Variants in TBX4 observed in about 807,000 individuals in gnomAD.
TBX4 encodes the protein T-box transcription factor 4.
A neutral mutation model predicts 54.6 loss-of-function variants in TBX4; 13 were observed. The observed-to-expected ratio is 0.24, with a 90% CI of 0.15 to 0.38. The LOEUF (loss-of-function observed/expected upper bound fraction) is 0.38, where lower values mean the gene tolerates loss of function less well. TBX4 is among the 10% of genes least tolerant of loss of function. The probability of loss-of-function intolerance (pLI) is 1.00; values close to 1 mark genes in which losing one functional copy is unlikely to be tolerated. For missense variants in TBX4, 631 were observed against 728.5 expected (o/e 0.87, Z 1.54); for synonymous variants, 314 against 306.7 (o/e 1.02, Z -0.25).
In TBX4 at chr17:61,472,490, T is replaced by C. The variant is rs1603253116; in HGVS notation, c.549+4833T>C. Among the ~76,000 whole-genome samples, 1 of 152,354 alleles carries C rather than the reference T, an allele frequency of 6.6e-6. No homozygotes were observed. The highest frequency in any genetic ancestry group is 2.1e-4 in the South Asian group (1 of 4,830). On this transcript the variant is annotated intron_variant, in intron 5 of 8. Coordinates refer to ENST00000644296, the MANE Select transcript of TBX4 (RefSeq NM_001321120.2). The surrounding 1 kb of genome is among the most constrained non-coding windows in gnomAD (Gnocchi z 4.5). Reference sequence around the variant, plus strand: ...TCATTTTTCTTGTAGGTTTTTGATATCAATTTCTAGGAACTCTTATAAATT... The same window carrying C: ...TCATTTTTCTTGTAGGTTTTTGATACCAATTTCTAGGAACTCTTATAAATT...
Position 61,480,807 on chromosome 17 carries a change from T to G in TBX4, c.1021+488T>G, listed in dbSNP as rs1357300326. Among the ~76,000 whole-genome samples the G allele has an allele frequency of 6.6e-6, 1 of 151,846 alleles. No homozygotes were observed. Among genetic ancestry groups the G allele is most frequent in the Non-Finnish European group, 1.5e-5 (1 of 67,954 alleles). On this transcript the variant is annotated intron_variant, in intron 8 of 8. Coordinates refer to ENST00000644296, the MANE Select transcript of TBX4 (RefSeq NM_001321120.2). This position sits in a 1 kb window ranked among gnomAD's most constrained non-coding sequence, Gnocchi z 6.2. ...AGGATCTGCAGAGGCTGCTTGAGAG[T>G]TGAGATGAGCTATTGTGGATGTAGG...
chr17:61,468,468 G>T (rs965103938), intron 5 of TBX4, among the ~76,000 whole-genome samples: 8 of 152,340 alleles, frequency 5.3e-5, no homozygotes, highest in African/African-American at 1.7e-4. Context: ...CAGGGCAGGG[G>T]CAGTGGAGGC....
rs960685891 is a variant in TBX4, at chr17:61,480,479, C to T, written c.1021+160C>T. Among the ~76,000 whole-genome samples the T allele has an allele frequency of 1.3e-4, 19 of 151,982 alleles. No individual in the cohort carries two copies. The highest frequency in any genetic ancestry group is 3.1e-4 in the African/African-American group (13 of 41,336). On this transcript the variant is annotated intron_variant, in intron 8 of 8. Transcript: ENST00000644296. This position sits in a 1 kb window ranked among gnomAD's most constrained non-coding sequence, Gnocchi z 6.2. ...TGAAGGGTTAGGGATCACAGCTGGG[C>T]GCAGGGCCATCTTTTCCAGTGCAGG...
Position 61,475,660 on chromosome 17 carries a change from G to C in TBX4, c.550-2967G>C, listed in dbSNP as rs1378109466. Among the ~76,000 whole-genome samples, 4 of 152,122 alleles carry C rather than the reference G, an allele frequency of 2.6e-5. No homozygotes were observed. The highest frequency in any genetic ancestry group is 9.7e-5 in the African/African-American group (4 of 41,430). On this transcript the variant is annotated intron_variant, in intron 5 of 8. Transcript: ENST00000644296. This position sits in a 1 kb window ranked among gnomAD's most constrained non-coding sequence, Gnocchi z 5.0. ...AGGGGAGTTGATGATGATACCCAGG[G>C]CTTTGACGAGCCCACGACTGCTTGT...
In TBX4 at chr17:61,465,379, A is replaced by G. The variant is rs962883745; in HGVS notation, c.282-440A>G. Among the ~76,000 whole-genome samples the G allele has an allele frequency of 2.6e-5, 4 of 152,220 alleles. No individual in the cohort carries two copies. Among genetic ancestry groups the G allele is most frequent in the South Asian group, 2.1e-4 (1 of 4,828 alleles). ...AGCTGACGGGGGTTTCCGTCCCCCT[A>G]TAACTGCACCCCAGAACTTCACTTG... On this transcript the variant is annotated intron_variant, in intron 3 of 8. Coordinates refer to ENST00000644296, the MANE Select transcript of TBX4 (RefSeq NM_001321120.2). The surrounding 1 kb of genome is among the most constrained non-coding windows in gnomAD (Gnocchi z 4.9).
In TBX4 at chr17:61,472,362, T is replaced by C. The variant is rs1471411744; in HGVS notation, c.549+4705T>C. ...GTCAGTTTGACAGGTGAAATGTGGA[T>C]ATCAGTGTTAGCTTTAATTTGCATT... On this transcript the variant is annotated intron_variant, in intron 5 of 8. Coordinates refer to ENST00000644296, the MANE Select transcript of TBX4 (RefSeq NM_001321120.2). The surrounding 1 kb of genome is among the most constrained non-coding windows in gnomAD (Gnocchi z 4.5). Among the ~76,000 whole-genome samples the C allele has an allele frequency of 1.3e-5, 2 of 152,248 alleles. No individual in the cohort carries two copies. Among genetic ancestry groups the C allele is most frequent in the African/African-American group, 4.8e-5 (2 of 41,462 alleles).
intron 5 of TBX4, among the ~76,000 whole-genome samples, chr17:61,477,653 A>T (rs961354402): frequency 3.9e-5 from 6 of 152,214 alleles, no homozygotes; most frequent in Non-Finnish European, 8.8e-5. Context: ...AGAAATGCAT[A>T]AACAAGGCTA....
At position 61,472,513 on chromosome 17, in the gene TBX4, A is replaced by G. The variant is rs747560541; in HGVS notation, c.549+4856A>G. ...TATCAATTTCTAGGAACTCTTATAA[A>G]TTAGGAGGATGTAGCTCTTATCTGT... is the stretch of plus-strand genomic sequence containing the variant. On this transcript the variant is annotated intron_variant, in intron 5 of 8. Transcript: ENST00000644296. This position sits in a 1 kb window ranked among gnomAD's most constrained non-coding sequence, Gnocchi z 4.5. 6.6e-6 allele frequency among the ~76,000 whole-genome samples: 1 copy of G among 152,178 alleles called. No homozygotes were observed. Among genetic ancestry groups the G allele is most frequent in the Non-Finnish European group, 1.5e-5 (1 of 68,040 alleles).
rs1252494849 is a variant in TBX4, at chr17:61,460,025, A to G, written c.281+2394A>G. Among the ~76,000 whole-genome samples the G allele has an allele frequency of 6.6e-6, 1 of 152,028 alleles. No homozygotes were observed. The highest frequency in any genetic ancestry group is 2.4e-5 in the African/African-American group (1 of 41,388). ...CTGGAACCCTTCTTGGTACACGTCC[A>G]TTTGTCAGCCTGGGCCCTGCTGCTA... On this transcript the variant is annotated intron_variant, in intron 3 of 8. Transcript: ENST00000644296. This position sits in a 1 kb window ranked among gnomAD's most constrained non-coding sequence, Gnocchi z 4.4.
chr17:61,458,284 G>C (rs1167959536), intron 3 of TBX4, among the ~76,000 whole-genome samples: 1 of 145,042 alleles, frequency 6.9e-6, no homozygotes, highest in Non-Finnish European at 1.5e-5. Flanking sequence ...ATGAGAGGAG[G>C]AAGACTCACG....
rs1299664550 is a variant in TBX4 at position 61,465,709 on chromosome 17, C to A, written c.282-110C>A. ...ACAGCTGTGACCAATGCCAGGATCG[C>A]TGGCCAAAAGGGCAGCATCTGTTAG... On this transcript the variant is annotated intron_variant, in intron 3 of 8. Coordinates refer to ENST00000644296, the MANE Select transcript of TBX4 (RefSeq NM_001321120.2). The surrounding 1 kb of genome is among the most constrained non-coding windows in gnomAD (Gnocchi z 4.9). 2.8e-6 allele frequency: 4 copies of A among 1,452,044 alleles called. No homozygotes were observed. Among genetic ancestry groups the A allele is most frequent in the Non-Finnish European group, 3.8e-6 (4 of 1,044,788 alleles). The allele number at this position is 1,452,044 out of a possible 1,614,324, so 89.9% of individuals were successfully genotyped here.
At position 61,481,973 on chromosome 17, in the gene TBX4, A is replaced by C. The variant is rs1401690135; in HGVS notation, c.1022-924A>C. On this transcript the variant is annotated intron_variant, in intron 8 of 8. Coordinates refer to ENST00000644296, the MANE Select transcript of TBX4 (RefSeq NM_001321120.2). This position sits in a 1 kb window ranked among gnomAD's most constrained non-coding sequence, Gnocchi z 4.8. ...GTAGAGATGGGGTTTCACCATGTTG[A>C]TCAAGCTGGTCTCGAACTCCTGACC... is the stretch of plus-strand genomic sequence containing the variant. 1 of 152,158 alleles carries C rather than the reference A, an allele frequency of 6.6e-6. No homozygotes were observed. Among genetic ancestry groups the C allele is most frequent in the African/African-American group, 2.4e-5 (1 of 41,378 alleles). The allele number at this position is 152,158 out of a possible 1,614,324, so 9.4% of individuals were successfully genotyped here. A position where few individuals can be genotyped will look rare whatever the true frequency, so the allele number is the denominator to read the frequency against.
Position 61,478,004 on chromosome 17 carries a change from A to G in TBX4, c.550-623A>G, listed in dbSNP as rs113054829. Among the ~76,000 whole-genome samples, 119 of 152,254 alleles carry G rather than the reference A, an allele frequency of 7.8e-4. 2 individuals are homozygous for G. Among genetic ancestry groups the G allele is most frequent in the African/African-American group, 2.7e-3 (111 of 41,538 alleles). On this transcript the variant is annotated intron_variant, in intron 5 of 8. Coordinates refer to ENST00000644296, the MANE Select transcript of TBX4 (RefSeq NM_001321120.2). The surrounding 1 kb of genome is among the most constrained non-coding windows in gnomAD (Gnocchi z 7.4). Reference sequence around the variant, plus strand: ...AGAAAGGAAAGAAAAGAAATGCATGAACAAATGAGCAATGTGACAAAAAAA... The same window carrying G: ...AGAAAGGAAAGAAAAGAAATGCATGGACAAATGAGCAATGTGACAAAAAAA...
rs936469879 is a variant in TBX4 at position 61,480,701 on chromosome 17, G to GTTTT, written c.1021+385_1021+386insTTTT. ...CAGAGGTTTTGGGATTGGGGCTGTT[G>GTTTT]TTTGTCAAAGCAACCTCAATTCCAG... On this transcript the variant is annotated intron_variant, in intron 8 of 8. Coordinates refer to ENST00000644296, the MANE Select transcript of TBX4 (RefSeq NM_001321120.2). The surrounding 1 kb of genome is among the most constrained non-coding windows in gnomAD (Gnocchi z 6.2). Among the ~76,000 whole-genome samples, 12 of 152,120 alleles carry GTTTT rather than the reference G, an allele frequency of 7.9e-5. No homozygotes were observed. Among genetic ancestry groups the GTTTT allele is most frequent in the African/African-American group, 2.9e-4 (12 of 41,380 alleles).
rs150120671 is a variant in TBX4 at position 61,481,016 on chromosome 17, G to A, written c.1021+697G>A. On this transcript the variant is annotated intron_variant, in intron 8 of 8. Coordinates refer to ENST00000644296, the MANE Select transcript of TBX4 (RefSeq NM_001321120.2). This position sits in a 1 kb window ranked among gnomAD's most constrained non-coding sequence, Gnocchi z 4.8. ...TCATGGGGCTGCTGAAATTCCCTTC[G>A]GAATGAGCCTGGGGACTTTTGCTTG... Among the ~76,000 whole-genome samples, 77 of 152,190 alleles carry A rather than the reference G, an allele frequency of 5.1e-4. No individual in the cohort carries two copies. The highest frequency in any genetic ancestry group is 6.8e-3 in the Middle Eastern group (2 of 294).
At chr17:61,469,001 C>T (rs543675207) in intron 5 of TBX4, among the ~76,000 whole-genome samples, 8 of 152,266 alleles carry the variant, frequency 5.3e-5, no homozygotes, top group African/African-American at 1.9e-4. Context: ...ACCTGGCCCA[C>T]GACGGCACAC....
Position 61,475,098 on chromosome 17 carries a change from C to T in TBX4, c.550-3529C>T, listed in dbSNP as rs1013197384. The stretch of plus-strand genomic sequence containing the variant: ...TTCTCTATGACCGGGGTTACCCTCA[C>T]CTAGTGGCTCCCACCTGCCCCTGTA... On this transcript the variant is annotated intron_variant, in intron 5 of 8. Coordinates refer to ENST00000644296, the MANE Select transcript of TBX4 (RefSeq NM_001321120.2). This position sits in a 1 kb window ranked among gnomAD's most constrained non-coding sequence, Gnocchi z 5.0. Among the ~76,000 whole-genome samples, 11 of 152,342 alleles carry T rather than the reference C, an allele frequency of 7.2e-5. No individual in the cohort carries two copies. Among genetic ancestry groups the T allele is most frequent in the Middle Eastern group, 3.4e-3 (1 of 294 alleles).
chr17:61,483,180 G>A lies in TBX4; in HGVS notation c.1305G>A (p.Met435Ile). ...SPYTSYSVQT[M>I]ETVPYQPFPT... ...ACACCAGCTATAGCGTGCAGACGATGGAGACTGTGCCGTACCAGCCCTTCC... is the reference window on the plus strand; with the variant it reads ...ACACCAGCTATAGCGTGCAGACGATAGAGACTGTGCCGTACCAGCCCTTCC... The change falls in exon 9 of 9, where the codon ATG becomes ATA. Residue 435 changes from methionine (M) to isoleucine (I), a missense_variant. By Grantham distance (10) the Met-to-Ile change is conservative. Transcript: ENST00000644296. This position sits in a 1 kb window ranked among gnomAD's most constrained non-coding sequence, Gnocchi z 6.6. 6.2e-7 allele frequency: 1 copy of A among 1,614,152 alleles called. No homozygotes were observed. The highest frequency in any genetic ancestry group is 8.5e-7 in the Non-Finnish European group (1 of 1,180,030).
At position 61,457,721 on chromosome 17, in the gene TBX4, G is replaced by C. The variant is rs1432646355; in HGVS notation, c.281+90G>C. ...TTAGAAGTCCTCTCGGCCCCGGCCT[G>C]GTGGCCTGTGGGAGGCCTCTCTGCC... On this transcript the variant is annotated intron_variant, in intron 3 of 8. Transcript: ENST00000644296. The surrounding 1 kb of genome is among the most constrained non-coding windows in gnomAD (Gnocchi z 8.2). 3.9e-6 allele frequency: 5 copies of C among 1,287,480 alleles called. No individual in the cohort carries two copies. Among genetic ancestry groups the C allele is most frequent in the African/African-American group, 2.9e-5 (2 of 68,152 alleles). The allele number at this position is 1,287,480 out of a possible 1,614,324, so 79.8% of individuals were successfully genotyped here. A position where few individuals can be genotyped will look rare whatever the true frequency, so the allele number is the denominator to read the frequency against.
Sources: allele counts gnomAD v4.1 joint callset (sites outside exome capture counted in the v4.1 genomes callset), GRCh38; gene constraint gnomAD v4.1.1; non-coding constraint Gnocchi (gnomAD v3.1); transcripts MANE v1.5; gene names NCBI Gene and HGNC (gene_info 2026-07-23, HGNC 2026-07-21).